DICER1: variants seen among roughly 807,000 people sequenced by gnomAD.
The protein encoded by DICER1 is dicer 1, ribonuclease III.
Under a neutral mutation model 194.1 loss-of-function variants are expected in DICER1, and 43 were observed. That is an observed-to-expected ratio of 0.22 (90% confidence interval 0.17 to 0.29). The LOEUF (loss-of-function observed/expected upper bound fraction) is 0.29, where lower values mean the gene tolerates loss of function less well. Among genes scored for constraint, DICER1 ranks in the 10% least tolerant of loss-of-function variants. The pLI is 1.00. For missense variants in DICER1, 1,608 were observed against 2,317.0 expected (o/e 0.69, Z 6.28); for synonymous variants, 832 against 820.5 (o/e 1.01, Z -0.24).
Position 95,116,438 on chromosome 14 carries a change from A to G in DICER1, c.1752+15T>C, listed in dbSNP as rs2140122338. 2 of 1,608,908 alleles carry G rather than the reference A, an allele frequency of 1.2e-6. No homozygotes were observed. Among genetic ancestry groups the G allele is most frequent in the Non-Finnish European group, 1.7e-6 (2 of 1,179,800 alleles). The stretch of plus-strand genomic sequence containing the variant: ...TTTCCCAATCTGCCGGCACATGTTA[A>G]TATGTTGATCTTACCTTTTCAATAG... On this transcript the variant is annotated intron_variant, in intron 10 of 26. Transcript: ENST00000343455.
Position 95,103,789 on chromosome 14 carries a change from T to C in DICER1, c.3607A>G (p.Asn1203Asp). Residue 1203 changes from asparagine to aspartate, a missense_variant, in exon 21 of 27, where the codon AAT becomes GAT. By Grantham distance (23) the Asn-to-Asp change is conservative. Around this residue, in one of 10 missense-constraint regions of DICER1, gnomAD observed 222 missense variants for 215.5 expected, o/e 1.03. Transcript: ENST00000343455. ...ACGGGTATTTCCTGCTTGTAGTAATTTAGCTGATTTCCTTGGCAAAAGTCT... is the reference window on the plus strand; with the variant it reads ...ACGGGTATTTCCTGCTTGTAGTAATCTAGCTGATTTCCTTGGCAAAAGTCT... ...NRDFCQGNQL[N>D]YYKQEIPVQP... 1.2e-6 allele frequency: 2 copies of C among 1,614,212 alleles called. No individual in the cohort carries two copies. The highest frequency in any genetic ancestry group is 1.7e-6 in the Non-Finnish European group (2 of 1,180,028).
rs1892114430 is a variant in DICER1 at position 95,113,019 on chromosome 14, T to C, written c.2040+73A>G. 2.7e-6 allele frequency: 4 copies of C among 1,504,366 alleles called. No homozygotes were observed. In the Admixed American group the frequency reaches 5.0e-5, roughly 19 times the overall value. The allele number at this position is 1,504,366 out of a possible 1,614,324, so 93.2% of individuals were successfully genotyped here. A position where few individuals can be genotyped will look rare whatever the true frequency, so the allele number is the denominator to read the frequency against. On this transcript the variant is annotated intron_variant, in intron 12 of 26. Coordinates refer to ENST00000343455, the MANE Select transcript of DICER1 (RefSeq NM_177438.3). ...ATCAAATTTACCTATAACTTGCAAG[T>C]CTTAGAAAAGCTGAAAAAATCCACT...
rs75156371 is a variant in DICER1, at chr14:95,126,822, C to CAA, written c.735-76_735-75dup. The CAA allele has an allele frequency of 2.1e-3, 747 of 348,484 alleles. 6 individuals carry two copies. In the African/African-American group the frequency reaches 0.022, roughly 10 times the overall value. The allele number at this position is 348,484 out of a possible 1,614,324, so 21.6% of individuals were successfully genotyped here. A position where few individuals can be genotyped will look rare whatever the true frequency, so the allele number is the denominator to read the frequency against. On this transcript the variant is annotated intron_variant, in intron 6 of 26. Coordinates refer to ENST00000343455, the MANE Select transcript of DICER1 (RefSeq NM_177438.3). ...AATTTAAAAAAAGTTTTTCAAAAAG[C>CAA]AAAAAAAAAAAAAAGGGAATAGATA...
intron 21 of DICER1, 39 bp from the exon 22 acceptor site, chr14:95,099,974 T>C (rs374557615): frequency 1.9e-6 from 3 of 1,610,666 alleles, no homozygotes; most frequent in Non-Finnish European, 2.5e-6. Flanking sequence ...CCATAAATGA[T>C]CACTGCTGGA....
chr14:95,145,844 T>C (rs1895095100), intron 1 of DICER1, among the ~76,000 whole-genome samples: 1 of 152,196 alleles, frequency 6.6e-6, no homozygotes, highest in Non-Finnish European at 1.5e-5. Flanking sequence ...ATTTCTGTCA[T>C]TCTTAATTAA....
intron 1 of DICER1, among the ~76,000 whole-genome samples, chr14:95,147,517 T>C (rs1485852314): frequency 6.6e-6 from 1 of 152,190 alleles, no homozygotes; most frequent in Non-Finnish European, 1.5e-5. Context: ...TTTACCTGAA[T>C]ATCTGAGTGG....
chr14:95,130,680 A>G (rs966518640), intron 4 of DICER1, among the ~76,000 whole-genome samples: 7 of 152,208 alleles, frequency 4.6e-5, no homozygotes, highest in African/African-American at 1.7e-4. Context: ...GGGCTGTTTC[A>G]GTTCAGTGAG....
chr14:95,099,704 G>A, intron 22 of DICER1, 76 bp downstream of exon 22: 3 of 1,517,012 alleles, frequency 2.0e-6, no homozygotes, highest in South Asian at 2.6e-5. Flanking sequence ...AAATTATTTG[G>A]CTCACCGAAA....
At chr14:95,138,994 T>TAAAAAAAAAAAAA (rs67050539) in intron 1 of DICER1, among the ~76,000 whole-genome samples, 1 of 135,984 alleles carries the variant, frequency 7.4e-6, no homozygotes, top group African/African-American at 2.6e-5. Context: ...AATAAAAAAA[T>TAAAAAAAAAAAAA]AAAAAAAAAA....
intron 1 of DICER1, among the ~76,000 whole-genome samples, chr14:95,135,150 C>T (rs986100266): frequency 6.6e-6 from 1 of 152,178 alleles, no homozygotes; most frequent in Non-Finnish European, 1.5e-5. Flanking sequence ...CATCACTGAC[C>T]TTCTCACCTG....
intron 22 of DICER1, among the ~76,000 whole-genome samples, chr14:95,099,124 G>T (rs1369063714): frequency 6.6e-6 from 1 of 152,176 alleles, no homozygotes; most frequent in Non-Finnish European, 1.5e-5. Flanking sequence ...AGAGGCACTA[G>T]AACTCTCCCA....
Position 95,126,511 on chromosome 14 carries a change from T to C in DICER1, c.903+69A>G. On this transcript the variant is annotated intron_variant, in intron 7 of 26. Transcript: ENST00000343455. ...GAAAAGAGCCGCATTAAGCATATTT[T>C]CATTTCAATATTAAAAATTAACAAA... is the stretch of plus-strand genomic sequence containing the variant. The C allele has an allele frequency of 1.0e-5, 11 of 1,051,552 alleles. No individual in the cohort carries two copies. In the South Asian group the frequency reaches 1.5e-4, roughly 15 times the overall value. 65.1% of individuals were successfully genotyped at this position (1,051,552 alleles called of 1,614,324 possible). A position where few individuals can be genotyped will look rare whatever the true frequency, so the allele number is the denominator to read the frequency against.
Position 95,091,289 on chromosome 14 carries a change from G to A in DICER1, c.5441C>T (p.Ser1814Leu), listed in dbSNP as rs1060503625. Residue 1814 changes from serine to leucine, a missense_variant, in exon 25 of 27, where the codon TCG (serine) becomes TTG (leucine). Physicochemically the swap from Ser to Leu is moderately radical, Grantham distance 145. Transcript: ENST00000343455. The stretch of plus-strand genomic sequence containing the variant: ...ATCCATGTAAATGGCACCAGCAAGC[G>A]ACTCAAAAATATCCCCCATGGCCTT... The part of the protein sequence containing the change: ...VPKAMGDIFE[S>L]LAGAIYMDSG... The A allele has an allele frequency of 6.2e-7, 1 of 1,613,936 alleles. No homozygotes were observed. The highest frequency in any genetic ancestry group is 8.5e-7 in the Non-Finnish European group (1 of 1,179,942).
Position 95,087,617 on chromosome 14 carries a change from A to G in DICER1, c.*2881T>C, listed in dbSNP as rs1889442357. ...CAAGTGCAATGCTTATCTGTGCTAC[A>G]TGAACAGAACAGAAGGGAAAAAGCT... is the stretch of plus-strand genomic sequence containing the variant. On this transcript the variant is annotated 3_prime_UTR_variant, in exon 27 of 27. Transcript: ENST00000343455. The G allele has an allele frequency of 2.1e-5, 5 of 233,292 alleles. No homozygotes were observed. 14.5% of individuals were successfully genotyped at this position (233,292 alleles called of 1,614,324 possible).
rs192016233 is a variant in DICER1, at chr14:95,124,102, C to T, written c.1376+94G>A. 3.1e-5 allele frequency: 28 copies of T among 903,670 alleles called. No individual in the cohort carries two copies. In the Admixed American group the frequency reaches 4.8e-4, roughly 15 times the overall value. 56.0% of individuals were successfully genotyped at this position (903,670 alleles called of 1,614,324 possible). The stretch of plus-strand genomic sequence containing the variant: ...CCAAGTCAAGGACACTTACATAACC[C>T]TCATGCTAGCTCTTACAGCTGCTGC... On this transcript the variant is annotated intron_variant, in intron 8 of 26. Transcript: ENST00000343455. This position sits in a 1 kb window ranked among gnomAD's most constrained non-coding sequence, Gnocchi z 4.5.
Position 95,099,981 on chromosome 14 carries a change from T to C in DICER1, c.4051-46A>G, listed in dbSNP as rs192183084. 6 of 1,605,662 alleles carry C rather than the reference T, an allele frequency of 3.7e-6. No homozygotes were observed. In the Admixed American group the frequency reaches 1.0e-4, roughly 27 times the overall value. ...ATACTTATCCATAAATGATCACTGC[T>C]GGAATTCATTCAAGGCATATTAACA... On this transcript the variant is annotated intron_variant, in intron 21 of 26. Coordinates refer to ENST00000343455, the MANE Select transcript of DICER1 (RefSeq NM_177438.3).
chr14:95,122,973 G>GA (rs59498654), intron 8 of DICER1, among the ~76,000 whole-genome samples: 20 of 115,342 alleles, frequency 1.7e-4, no homozygotes, highest in South Asian at 5.0e-4. Flanking sequence ...GAAAGAAAAA[G>GA]AAAAAAAAAA....
chr14:95,093,835 C>T (rs933063228), intron 24 of DICER1, 53 bp downstream of exon 24: 1 of 1,592,606 alleles, frequency 6.3e-7, no homozygotes, highest in Non-Finnish European at 8.6e-7. Context: ...TCTGAAACTA[C>T]AGAGACTCCT....
chr14:95,151,341 T>G lies in DICER1; in HGVS notation c.-46+5889A>C, dbSNP rs539520419. On this transcript the variant is annotated intron_variant, in intron 1 of 26. Transcript: ENST00000343455. ...CTCCATTATATTACTAGACCATACA[T>G]TTCAATATTGATAATTTGGGGGCTC... 4.6e-5 allele frequency among the ~76,000 whole-genome samples: 7 copies of G among 152,334 alleles called. No individual in the cohort carries two copies. The South Asian group carries it at 1.4e-3, about 32-fold the overall frequency.
Sources: allele counts gnomAD v4.1 joint callset (sites outside exome capture counted in the v4.1 genomes callset), GRCh38; gene constraint gnomAD v4.1.1; regional missense constraint gnomAD v4.1.1; non-coding constraint Gnocchi (gnomAD v3.1); transcripts MANE v1.5; gene names NCBI Gene and HGNC (gene_info 2026-07-23, HGNC 2026-07-21).